Variants in HRH1 observed in about 807,000 individuals in gnomAD.
HRH1 encodes histamine H1 receptor.
In HRH1, 6 loss-of-function variants were observed where a neutral mutation model predicts 10.3. That is an observed-to-expected ratio of 0.58 (90% CI 0.32 to 1.15). The LOEUF (loss-of-function observed/expected upper bound fraction) is 1.15, where lower values mean the gene tolerates loss of function less well. HRH1 is among the 50% of genes most tolerant of loss of function. The probability of loss-of-function intolerance (pLI) is 0.05; values close to 1 mark genes in which losing one functional copy is unlikely to be tolerated. For missense variants in HRH1, 514 were observed against 615.3 expected, an observed-to-expected ratio of 0.84 and a Z score of 1.74; for synonymous variants, 242 against 236.7, an observed-to-expected ratio of 1.02 and a Z score of -0.21.
chr3:11,195,452 G>T (rs1418298224), intron 1 of HRH1, among the ~76,000 whole-genome samples: 1 of 152,178 alleles, frequency 6.6e-6, no homozygotes, highest in African/African-American at 2.4e-5. Context: ...CTGCCATGTG[G>T]TTCCTCAATC....
intron 1 of HRH1, among the ~76,000 whole-genome samples, chr3:11,189,496 ATG>A (rs1937506894): frequency 6.6e-6 from 1 of 152,190 alleles, no homozygotes; most frequent in Non-Finnish European, 1.5e-5. Flanking sequence ...GCATCTGTGG[ATG>A]TAACAAGTTT....
At chr3:11,251,995 C>T (rs544533012) in intron 1 of HRH1, among the ~76,000 whole-genome samples, 11 of 152,314 alleles carry the variant, frequency 7.2e-5, no homozygotes, top group South Asian at 2.1e-4. Context: ...CCCAAGGCTA[C>T]GCCCTTGTTT....
chr3:11,206,888 G>A (rs779120411), intron 1 of HRH1, among the ~76,000 whole-genome samples: 4 of 152,224 alleles, frequency 2.6e-5, no homozygotes, highest in Admixed American at 6.5e-5. Context: ...AGTCAATGAC[G>A]GAATAGGGTG....
At chr3:11,191,958 T>C (rs1314520846) in intron 1 of HRH1, among the ~76,000 whole-genome samples, 1 of 152,104 alleles carries the variant, frequency 6.6e-6, no homozygotes, top group Non-Finnish European at 1.5e-5. Context: ...AGACTCTTCT[T>C]ATGGGGAAAA....
intron 1 of HRH1, among the ~76,000 whole-genome samples, chr3:11,140,875 C>T (rs571084207): frequency 4.0e-4 from 61 of 152,260 alleles, no homozygotes; most frequent in Middle Eastern, 3.4e-3. Flanking sequence ...TGGGTTGTTG[C>T]TTTTCATTAT....
chr3:11,222,183 C>A (rs1047278928), intron 1 of HRH1, among the ~76,000 whole-genome samples: 15 of 152,138 alleles, frequency 9.9e-5, no homozygotes, highest in African/African-American at 3.6e-4. Flanking sequence ...CTCTTGAACA[C>A]CCACAGTCAG....
chr3:11,240,263 T>G (rs1214578183), intron 1 of HRH1, among the ~76,000 whole-genome samples: 1 of 152,070 alleles, frequency 6.6e-6, no homozygotes, highest in Non-Finnish European at 1.5e-5. Context: ...CTTACAAAAT[T>G]TATTTTGTTT....
chr3:11,243,845 T>C (rs1158836645), intron 1 of HRH1, among the ~76,000 whole-genome samples: 1 of 152,232 alleles, frequency 6.6e-6, no homozygotes, highest in East Asian at 1.9e-4. Context: ...CTACCTGCCT[T>C]GATCTTATAC....
At position 11,154,638 on chromosome 3, in the gene HRH1, G is replaced by C. The variant is rs1286117377; in HGVS notation, c.-36+84G>C. 1 of 151,858 alleles carries C rather than the reference G, an allele frequency of 6.6e-6. No homozygotes were observed. Among genetic ancestry groups the C allele is most frequent in the Non-Finnish European group, 1.5e-5 (1 of 67,922 alleles). 9.4% of individuals were successfully genotyped at this position (151,858 alleles called of 1,614,324 possible). On this transcript the variant is annotated intron_variant, in intron 1 of 1. Coordinates refer to ENST00000431010, the MANE Select transcript of HRH1 (RefSeq NM_001098212.2). The surrounding 1 kb of genome is among the most constrained non-coding windows in gnomAD (Gnocchi z 4.4). ...CTGCGCGCTGGCCAGGCTGGGTTCC[G>C]GGCATCCCGGCAGGGCGGCCGGGAA...
chr3:11,217,737 A>G (rs547649500), intron 1 of HRH1, among the ~76,000 whole-genome samples: 4 of 152,320 alleles, frequency 2.6e-5, no homozygotes, highest in Admixed American at 6.5e-5. Flanking sequence ...TATATATTTT[A>G]CACAATTAGA....
intron 1 of HRH1, among the ~76,000 whole-genome samples, chr3:11,251,916 AC>A (rs1200568162): frequency 3.3e-5 from 5 of 152,198 alleles, no homozygotes; most frequent in Non-Finnish European, 7.3e-5. Flanking sequence ...TCCATGGGTT[AC>A]TGGGTTAAGA....
At position 11,261,273 on chromosome 3, in the gene HRH1, A is replaced by G. The variant is rs1939949042; in HGVS notation, c.*772A>G. On this transcript the variant is annotated 3_prime_UTR_variant, in exon 2 of 2. Transcript: ENST00000431010. ...CATCCTCAAAAGAAAGAGAAATGAAATATTTTTGAATGGTTGCACGTTAAA... is the reference window on the plus strand; with the variant it reads ...CATCCTCAAAAGAAAGAGAAATGAAGTATTTTTGAATGGTTGCACGTTAAA... 6.0e-6 allele frequency: 1 copy of G among 167,086 alleles called. No individual in the cohort carries two copies. The highest frequency in any genetic ancestry group is 2.1e-4 in the South Asian group (1 of 4,832). 10.4% of individuals were successfully genotyped at this position (167,086 alleles called of 1,614,324 possible). A position where few individuals can be genotyped will look rare whatever the true frequency, so the allele number is the denominator to read the frequency against.
chr3:11,226,886 A>G (rs1195168361), intron 1 of HRH1, among the ~76,000 whole-genome samples: 1 of 15,490 alleles, frequency 6.5e-5, no homozygotes, highest in Non-Finnish European at 1.5e-4. Context: ...GACTCAGTCT[A>G]AAAAAAAAAA....
chr3:11,190,903 T>G (rs1288657906), intron 1 of HRH1, among the ~76,000 whole-genome samples: 1 of 152,122 alleles, frequency 6.6e-6, no homozygotes, highest in African/African-American at 2.4e-5. Context: ...CATTTGGGCC[T>G]CAGTGCTTGC....
In HRH1 at chr3:11,171,658, A is replaced by G. The variant is rs542209563; in HGVS notation, c.-36+17104A>G. Among the ~76,000 whole-genome samples the G allele has an allele frequency of 1.1e-4, 16 of 152,366 alleles. No homozygotes were observed. In the South Asian group the frequency reaches 3.3e-3, roughly 32 times the overall value. On this transcript the variant is annotated intron_variant, in intron 1 of 1. Transcript: ENST00000431010. ...AGACATCTGCCTCTGGCATCCTGGC[A>G]AAGATGAACTTCTCACTCTTCAAAC...
At chr3:11,163,684 C>G (rs1346843860) in intron 1 of HRH1, among the ~76,000 whole-genome samples, 1 of 151,642 alleles carries the variant, frequency 6.6e-6, no homozygotes, top group East Asian at 1.9e-4. Flanking sequence ...CCAATAAACA[C>G]TAGTTATTAC....
intron 1 of HRH1, among the ~76,000 whole-genome samples, chr3:11,258,059 A>T (rs537797260): frequency 5.3e-5 from 8 of 152,296 alleles, no homozygotes; most frequent in African/African-American, 1.7e-4. Context: ...TAGAAAAGTA[A>T]AATAACGAAT....
intron 1 of HRH1, among the ~76,000 whole-genome samples, chr3:11,142,995 G>A (rs899782813): frequency 3.3e-5 from 5 of 152,126 alleles, no homozygotes; most frequent in Admixed American, 2.0e-4. Flanking sequence ...AGAGAACAGC[G>A]AGTGCAAAGG....
At chr3:11,179,160 C>T (rs920944890) in intron 1 of HRH1, among the ~76,000 whole-genome samples, 5 of 152,110 alleles carry the variant, frequency 3.3e-5, no homozygotes, top group South Asian at 4.1e-4. Flanking sequence ...TGGTGGCGCA[C>T]GCCTATAATC....
Sources: allele counts gnomAD v4.1 joint callset (sites outside exome capture counted in the v4.1 genomes callset), GRCh38; gene constraint gnomAD v4.1.1; non-coding constraint Gnocchi (gnomAD v3.1); transcripts MANE v1.5; gene names NCBI Gene and HGNC (gene_info 2026-07-23, HGNC 2026-07-21).